Variants in ZNHIT6 observed in about 807,000 individuals in gnomAD.
ZNHIT6 encodes the protein zinc finger HIT-type containing 6.
ZNHIT6 carries 45 observed loss-of-function variants against 57.2 expected under a neutral mutation model. That is an observed-to-expected ratio of 0.79 (90% CI 0.62 to 1.01). The LOEUF is 1.01. Ranked by LOEUF, ZNHIT6 falls within the 50% of genes least tolerant of loss-of-function variation. The probability of loss-of-function intolerance (pLI) is 0.00; values close to 1 mark genes in which losing one functional copy is unlikely to be tolerated. For missense variants in ZNHIT6, 528 were observed against 567.3 expected (o/e 0.93, Z 0.70); for synonymous variants, 188 against 190.0 (o/e 0.99, Z 0.09).
intron 5 of ZNHIT6, among the ~76,000 whole-genome samples, chr1:85,687,308 A>AAAAAAAAC (rs1662088814): frequency 1.4e-5 from 2 of 145,142 alleles, no homozygotes; most frequent in African/African-American, 5.0e-5. Context: ...ACAAAAAAAA[A>AAAAAAAAC]AAACAATTTA....
In ZNHIT6 at chr1:85,673,384, G is replaced by T. The variant is rs17128075; in HGVS notation, c.1247+3852C>A. Among the ~76,000 whole-genome samples the T allele has an allele frequency of 9.4e-3, 1,432 of 152,278 alleles. 58 individuals are homozygous for T. The highest frequency in any genetic ancestry group is 0.063 in the Admixed American group (960 of 15,290). The stretch of plus-strand genomic sequence containing the variant: ...TTCCTTAGATTAGACATACATTCTA[G>T]GATCGCAATTTAAAAAATAAGTCAT... On this transcript the variant is annotated intron_variant, in intron 8 of 9. Transcript: ENST00000370574.
chr1:85,703,851 TAGA>T (rs1662606381), intron 4 of ZNHIT6, among the ~76,000 whole-genome samples: 2 of 152,068 alleles, frequency 1.3e-5, no homozygotes, highest in Admixed American at 1.3e-4. Flanking sequence ...AGACAAAGAC[TAGA>T]AGAAGGTATT....
intron 8 of ZNHIT6, among the ~76,000 whole-genome samples, chr1:85,658,260 G>A (rs534755376): frequency 1.6e-4 from 25 of 151,980 alleles, no homozygotes; most frequent in African/African-American, 3.9e-4. Flanking sequence ...ATGGAGTCTC[G>A]CTTTGTTGCC....
At chr1:85,702,313 A>C in intron 4 of ZNHIT6, 53 bp from the exon 5 acceptor site, 1 of 1,085,438 alleles carries the variant, frequency 9.2e-7, no homozygotes, top group Non-Finnish European at 1.4e-6. Context: ...TTAAATTTAA[A>C]AAGTGAGTAA....
chr1:85,699,957 A>G (rs1461510209), intron 5 of ZNHIT6, among the ~76,000 whole-genome samples: 1 of 152,206 alleles, frequency 6.6e-6, no homozygotes, highest in Non-Finnish European at 1.5e-5. Flanking sequence ...TAGCTGCAGG[A>G]AAAAAGGAGG....
intron 5 of ZNHIT6, among the ~76,000 whole-genome samples, chr1:85,700,702 T>A (rs1662507361): frequency 6.6e-6 from 1 of 152,126 alleles, no homozygotes; most frequent in African/African-American, 2.4e-5. Context: ...CCAGTTACCA[T>A]AAACTTCTAA....
intron 8 of ZNHIT6, among the ~76,000 whole-genome samples, chr1:85,676,004 C>T (rs1244583742): frequency 1.3e-5 from 2 of 152,186 alleles, no homozygotes; most frequent in Non-Finnish European, 2.9e-5. Context: ...GTTTGATCTT[C>T]TATCCAGACC....
intron 9 of ZNHIT6, among the ~76,000 whole-genome samples, chr1:85,656,581 T>C (rs1661065813): frequency 6.6e-6 from 1 of 152,106 alleles, no homozygotes; most frequent in African/African-American, 2.4e-5. Context: ...GAGAGAGCAC[T>C]GTGAATTTAT....
intron 5 of ZNHIT6, among the ~76,000 whole-genome samples, chr1:85,685,292 A>C (rs895387807): frequency 6.6e-6 from 1 of 152,230 alleles, no homozygotes; most frequent in African/African-American, 2.4e-5. Flanking sequence ...CTAAATGTAC[A>C]TCATCAGAAA....
At chr1:85,685,143 T>C (rs1661991861) in intron 5 of ZNHIT6, among the ~76,000 whole-genome samples, 1 of 152,156 alleles carries the variant, frequency 6.6e-6, no homozygotes, top group Non-Finnish European at 1.5e-5. Flanking sequence ...TAAAAATTTG[T>C]AATTGAAAAA....
intron 8 of ZNHIT6, among the ~76,000 whole-genome samples, chr1:85,662,596 C>G (rs1661256316): frequency 6.6e-6 from 1 of 152,104 alleles, no homozygotes; most frequent in South Asian, 2.1e-4. Flanking sequence ...TTTTGCAACT[C>G]CTAATGTTCA....
chr1:85,670,354 C>T (rs1302280785), intron 8 of ZNHIT6, among the ~76,000 whole-genome samples: 1 of 152,060 alleles, frequency 6.6e-6, no homozygotes, highest in African/African-American at 2.4e-5. Context: ...ACTATCTGGC[C>T]ATTTAAAGGA....
chr1:85,699,063 A>C (rs1216404736), intron 5 of ZNHIT6, among the ~76,000 whole-genome samples: 4 of 152,144 alleles, frequency 2.6e-5, no homozygotes, highest in Non-Finnish European at 5.9e-5. Context: ...ACAACATGAA[A>C]ATTTACATTT....
chr1:85,684,476 C>T (rs1475014643), intron 5 of ZNHIT6, among the ~76,000 whole-genome samples: 1 of 152,124 alleles, frequency 6.6e-6, no homozygotes, highest in Non-Finnish European at 1.5e-5. Flanking sequence ...CTACAAAGGG[C>T]TACTGTATGC....
In ZNHIT6 at chr1:85,665,587, G is replaced by A. The variant is rs545827889; in HGVS notation, c.1248-7616C>T. Among the ~76,000 whole-genome samples the A allele has an allele frequency of 9.9e-5, 15 of 152,048 alleles. 1 individual carries two copies. The Middle Eastern group carries it at 0.01, about 103-fold the overall frequency. Reference sequence around the variant, plus strand: ...AATTTCAAGTATACAATACAGTATTGTTAATTATTTGTTTCTTAAAATTCT... The same window carrying A: ...AATTTCAAGTATACAATACAGTATTATTAATTATTTGTTTCTTAAAATTCT... On this transcript the variant is annotated intron_variant, in intron 8 of 9. Coordinates refer to ENST00000370574, the MANE Select transcript of ZNHIT6 (RefSeq NM_017953.4).
At chr1:85,701,660 G>C (rs116060989) in intron 5 of ZNHIT6, among the ~76,000 whole-genome samples, 1 of 152,122 alleles carries the variant, frequency 6.6e-6, no homozygotes, top group African/African-American at 2.4e-5. Flanking sequence ...CAGTACAGGC[G>C]TCCTGTTTTT....
At chr1:85,689,588 G>A (rs1362025345) in intron 5 of ZNHIT6, among the ~76,000 whole-genome samples, 3 of 152,140 alleles carry the variant, frequency 2.0e-5, no homozygotes, top group African/African-American at 4.8e-5. Context: ...TAACTATGTG[G>A]TATTGGCTTT....
chr1:85,706,002 G>T (rs188818107), intron 4 of ZNHIT6, 76 bp downstream of exon 4: 2 of 1,160,962 alleles, frequency 1.7e-6, no homozygotes, highest in Non-Finnish European at 2.4e-6. Context: ...TAATATATTT[G>T]GTAAGTTAAA....
Position 85,698,623 on chromosome 1 carries a change from C to G in ZNHIT6, c.1019+3534G>C, listed in dbSNP as rs79617540. On this transcript the variant is annotated intron_variant, in intron 5 of 9. Coordinates refer to ENST00000370574, the MANE Select transcript of ZNHIT6 (RefSeq NM_017953.4). ...TATATTGCAACTCAAGTTGCTTAAA[C>G]AAGCAATCAATTTAATACCTAGGGA... 3.9e-5 allele frequency among the ~76,000 whole-genome samples: 6 copies of G among 152,100 alleles called. No homozygotes were observed. In the East Asian group the frequency reaches 1.2e-3, roughly 29 times the overall value.
Sources: allele counts gnomAD v4.1 joint callset (sites outside exome capture counted in the v4.1 genomes callset), GRCh38; gene constraint gnomAD v4.1.1; transcripts MANE v1.5; gene names NCBI Gene and HGNC (gene_info 2026-07-23, HGNC 2026-07-21).